Variants in LCORL observed in about 807,000 individuals in gnomAD.
LCORL encodes ligand dependent nuclear receptor corepressor like, also known as ligand-dependent nuclear receptor corepressor-like protein.
Under a neutral mutation model 141.8 loss-of-function variants are expected in LCORL, and 41 were observed. The observed-to-expected ratio is 0.29, with a 90% CI of 0.23 to 0.38. LCORL has a LOEUF of 0.38. Among genes scored for constraint, LCORL ranks in the 10% least tolerant of loss-of-function variants. The pLI, the probability that LCORL is intolerant of heterozygous loss-of-function variation, is 1.00. For missense variants in LCORL, 1,759 were observed against 2,035.0 expected, an observed-to-expected ratio of 0.86 and a Z score of 2.61; for synonymous variants, 618 against 694.1, an observed-to-expected ratio of 0.89 and a Z score of 1.72.
At chr4:17,998,988 A>ATATATG (rs1721426596) in intron 1 of LCORL, among the ~76,000 whole-genome samples, 1 of 53,956 alleles carries the variant, frequency 1.9e-5, no homozygotes, top group African/African-American at 6.6e-5. Flanking sequence ...AAAAAAAAAT[A>ATATATG]TATATATATA....
At chr4:17,843,951 CTTA>C (rs1560239227) in exon 8 of LCORL, 1 of 151,970 alleles carries the variant, frequency 6.6e-6, no homozygotes, top group African/African-American at 2.4e-5. Flanking sequence ...TTGACAAAAA[CTTA>C]TTTTGTGATT....
chr4:17,907,810 C>G (rs1195894931), intron 5 of LCORL, among the ~76,000 whole-genome samples: 1 of 152,102 alleles, frequency 6.6e-6, no homozygotes, highest in African/African-American at 2.4e-5. Flanking sequence ...CCCGGGGAAG[C>G]CAAAAGGTTG....
chr4:17,979,937 G>C (rs940971112), intron 1 of LCORL, among the ~76,000 whole-genome samples: 10 of 152,146 alleles, frequency 6.6e-5, no homozygotes, highest in African/African-American at 2.4e-4. Context: ...TTGTGAGAAA[G>C]AATCAACCAA....
chr4:17,942,770 G>A (rs1012528560), intron 4 of LCORL, among the ~76,000 whole-genome samples: 2 of 152,094 alleles, frequency 1.3e-5, no homozygotes, highest in African/African-American at 4.8e-5. Flanking sequence ...TATATTTCTT[G>A]GAGACGTCCC....
intron 7 of LCORL, among the ~76,000 whole-genome samples, chr4:17,870,322 GCT>G (rs984512475): frequency 2.0e-5 from 3 of 152,032 alleles, no homozygotes; most frequent in Admixed American, 2.0e-4. Flanking sequence ...CAGGCTGCTT[GCT>G]CTCTTTTGTC....
At chr4:17,876,996 T>C (rs1242762323) in exon 7 of LCORL, 1 of 1,230,502 alleles carries the variant, frequency 8.1e-7, no homozygotes, top group African/African-American at 1.6e-5. Context: ...GAATTCTCCT[T>C]TGTCTGATGA....
chr4:17,891,013 C>T (rs1728992269), intron 5 of LCORL, among the ~76,000 whole-genome samples: 1 of 152,078 alleles, frequency 6.6e-6, no homozygotes, highest in Non-Finnish European at 1.5e-5. Context: ...TTTTGCTATT[C>T]TCCTCTCTAG....
intron 4 of LCORL, chr4:17,911,624 G>A: frequency 2.4e-6 from 1 of 414,362 alleles, no homozygotes; most frequent in Non-Finnish European, 4.7e-6. Context: ...GGATAACTTG[G>A]TCGTTGGCAA....
chr4:17,899,495 CG>C (rs1300604294), intron 5 of LCORL, among the ~76,000 whole-genome samples: 1 of 152,020 alleles, frequency 6.6e-6, no homozygotes, highest in Non-Finnish European at 1.5e-5. Context: ...GAGAAGGAAA[CG>C]GAACAAGTCC....
intron 7 of LCORL, among the ~76,000 whole-genome samples, chr4:17,856,299 G>A (rs1442555407): frequency 2.0e-5 from 3 of 152,172 alleles, no homozygotes; most frequent in African/African-American, 7.2e-5. Flanking sequence ...TTTGGGGATA[G>A]GACCTTTAGG....
intron 1 of LCORL, among the ~76,000 whole-genome samples, chr4:18,010,831 T>C (rs16896271): frequency 0.24 from 36,090 of 152,054 alleles, 5,471 homozygotes; most frequent in African/African-American, 0.43. Context: ...GTTTCCAGTA[T>C]ACTTACCCCC....
chr4:17,957,920 CAT>C (rs1412960138), intron 4 of LCORL, among the ~76,000 whole-genome samples: 2 of 151,886 alleles, frequency 1.3e-5, no homozygotes, highest in Non-Finnish European at 2.9e-5. Flanking sequence ...GTTAAATTTA[CAT>C]AGTCAATCAA....
At chr4:17,890,463 T>C (rs1045419832) in intron 5 of LCORL, among the ~76,000 whole-genome samples, 2 of 152,050 alleles carry the variant, frequency 1.3e-5, no homozygotes, top group African/African-American at 4.8e-5. Flanking sequence ...CTTTAGTTCC[T>C]TAAGAGAAGA....
intron 4 of LCORL, among the ~76,000 whole-genome samples, chr4:17,956,909 A>G (rs2724483): frequency 3.9e-5 from 6 of 152,100 alleles, no homozygotes; most frequent in Non-Finnish European, 7.4e-5. Context: ...AAATATGTAT[A>G]AATATTATGT....
intron 5 of LCORL, among the ~76,000 whole-genome samples, chr4:17,887,549 GA>G (rs1728456637): frequency 6.6e-6 from 1 of 152,138 alleles, no homozygotes; most frequent in Non-Finnish European, 1.5e-5. Flanking sequence ...ACCATGTCTG[GA>G]ATGTCAGAGG....
intron 1 of LCORL, among the ~76,000 whole-genome samples, chr4:17,976,447 T>A (rs958133527): frequency 3.3e-5 from 5 of 152,186 alleles, no homozygotes; most frequent in Non-Finnish European, 7.4e-5. Context: ...GGGCTTGTCC[T>A]AAGGTTTACA....
At chr4:17,863,734 T>C (rs981700352) in intron 7 of LCORL, among the ~76,000 whole-genome samples, 2 of 152,106 alleles carry the variant, frequency 1.3e-5, no homozygotes, top group Non-Finnish European at 2.9e-5. Context: ...AGCAAAGACA[T>C]GGACTCAACC....
intron 4 of LCORL, among the ~76,000 whole-genome samples, chr4:17,947,185 T>A (rs977534341): frequency 6.6e-6 from 1 of 151,860 alleles, no homozygotes; most frequent in Non-Finnish European, 1.5e-5. Flanking sequence ...CACACACACA[T>A]ACAATGGGAT....
chr4:17,941,646 C>A (rs997882066), intron 4 of LCORL, among the ~76,000 whole-genome samples: 1 of 152,170 alleles, frequency 6.6e-6, no homozygotes, highest in Non-Finnish European at 1.5e-5. Context: ...AGTCTTCCAG[C>A]TAGCCTCTTA....
Sources: gnomAD v4.1 joint callset for allele counts (sites outside exome capture counted in the v4.1 genomes callset) on GRCh38, gnomAD v4.1.1 for gene constraint, MANE v1.5 for transcripts, NCBI Gene and HGNC (gene_info 2026-07-23, HGNC 2026-07-21) for gene names.